The following MCF2L2 variants were observed in gnomAD, a reference collection of about 807,000 sequenced individuals.
MCF2L2 encodes MCF.2 cell line derived transforming sequence-like 2.
Under a neutral mutation model 150.2 loss-of-function variants are expected in MCF2L2, and 102 were observed. That is an observed-to-expected ratio of 0.68 (90% CI 0.58 to 0.80). The LOEUF is 0.80. Among genes scored for constraint, MCF2L2 ranks in the 30% least tolerant of loss-of-function variants. MCF2L2 has a pLI of 0.00. For synonymous variants in MCF2L2, 465 were observed against 491.3 expected (o/e 0.95, Z 0.71); for missense variants, 1,256 against 1,372.8 (o/e 0.91, Z 1.34).
intron 27 of MCF2L2, among the ~76,000 whole-genome samples, chr3:183,190,925 G>A (rs1721863351): frequency 6.6e-6 from 1 of 152,180 alleles, no homozygotes; most frequent in Non-Finnish European, 1.5e-5. Context: ...CGCCCTTGTT[G>A]CCCAGGCTGG....
At chr3:183,351,190 G>GTATATATATATATATA (rs60311053) in intron 3 of MCF2L2, among the ~76,000 whole-genome samples, 5 of 38,842 alleles carry the variant, frequency 1.3e-4, no homozygotes, top group Non-Finnish European at 1.5e-4. Flanking sequence ...ATTTTCTTAA[G>GTATATATATATATATA]TATATATATA....
intron 10 of MCF2L2, among the ~76,000 whole-genome samples, chr3:183,300,732 C>G (rs1358021653): frequency 1.3e-5 from 2 of 152,012 alleles, no homozygotes; most frequent in African/African-American, 4.8e-5. Context: ...ATATGCTTGT[C>G]TAGGCTGGGC....
intron 27 of MCF2L2, chr3:183,180,400 T>C (rs1721478989): frequency 6.8e-6 from 3 of 444,422 alleles, no homozygotes; most frequent in Non-Finnish European, 8.0e-6. Flanking sequence ...TTCATGGCCC[T>C]ACCTCCCCGT....
At chr3:183,198,014 T>C (rs1219145696) in intron 25 of MCF2L2, among the ~76,000 whole-genome samples, 1 of 152,194 alleles carries the variant, frequency 6.6e-6, no homozygotes, top group African/African-American at 2.4e-5. Context: ...CTTTGGAAAC[T>C]ATTTAGAAAT....
chr3:183,309,631 A>C (rs1030584746), intron 10 of MCF2L2, 85 bp downstream of exon 10: 1 of 1,579,958 alleles, frequency 6.3e-7, no homozygotes, highest in African/African-American at 1.3e-5. Flanking sequence ...TCCTTTAGCA[A>C]CCTTCCAATA....
intron 27 of MCF2L2, among the ~76,000 whole-genome samples, chr3:183,186,473 C>T (rs1721699532): frequency 6.6e-6 from 1 of 150,574 alleles, no homozygotes; most frequent in African/African-American, 2.4e-5. Context: ...GCCTGTAAAT[C>T]TCAGCACTTT....
Position 183,297,009 on chromosome 3 carries a change from GT to G in MCF2L2, c.1463del (p.Asn488ThrfsTer34). 2 of 1,613,946 alleles carry G rather than the reference GT, an allele frequency of 1.2e-6. No individual in the cohort carries two copies. Among genetic ancestry groups the G allele is most frequent in the Non-Finnish European group, 1.7e-6 (2 of 1,179,948 alleles). On this transcript the variant is annotated frameshift_variant, in exon 12 of 30. Transcript: ENST00000328913. LOFTEE classifies it high-confidence loss of function. ...CGAGGGTGAGCAGCAACTCAAACTCGTTGTAAAACTCCTTGGGGCTGAGCAA... is the reference window on the plus strand; with the variant it reads ...CGAGGGTGAGCAGCAACTCAAACTCGTGTAAAACTCCTTGGGGCTGAGCAA... ...YPLLSPKEFY[N>X]EFELLLTLDA...
At position 183,305,577 on chromosome 3, in the gene MCF2L2, G is replaced by A. The variant is rs369864123; in HGVS notation, c.1113+4139C>T. On this transcript the variant is annotated intron_variant, in intron 10 of 29. Transcript: ENST00000328913. The surrounding 1 kb of genome is among the most constrained non-coding windows in gnomAD (Gnocchi z 4.1). The stretch of plus-strand genomic sequence containing the variant: ...ATAAAGGCAACTGAGGAGGCCGGGC[G>A]CAGTGGGTCACGCCTGTAATCCCAG... 1.2e-4 allele frequency among the ~76,000 whole-genome samples: 19 copies of A among 152,306 alleles called. No individual in the cohort carries two copies. The highest frequency in any genetic ancestry group is 3.4e-4 in the African/African-American group (14 of 41,566).
intron 3 of MCF2L2, among the ~76,000 whole-genome samples, chr3:183,369,343 G>T (rs1712722645): frequency 6.6e-6 from 1 of 152,110 alleles, no homozygotes; most frequent in Non-Finnish European, 1.5e-5. Flanking sequence ...TTTTTTGCCT[G>T]ATAAGAGGCC....
At chr3:183,415,195 T>C (rs533089314) in intron 1 of MCF2L2, among the ~76,000 whole-genome samples, 67 of 152,082 alleles carry the variant, frequency 4.4e-4, no homozygotes, top group Non-Finnish European at 8.2e-4. Flanking sequence ...CTGAATTTTT[T>C]TTTTTTTGAG....
At chr3:183,200,457 A>G (rs1276307561) in intron 25 of MCF2L2, among the ~76,000 whole-genome samples, 1 of 152,114 alleles carries the variant, frequency 6.6e-6, no homozygotes, top group Non-Finnish European at 1.5e-5. Flanking sequence ...TCTTTTGCCC[A>G]CTTTTTGATG....
In MCF2L2 at chr3:183,270,513, G is replaced by A. The variant is rs772844252; in HGVS notation, c.1862+6359C>T. On this transcript the variant is annotated intron_variant, in intron 15 of 29. Transcript: ENST00000328913. This position sits in a 1 kb window ranked among gnomAD's most constrained non-coding sequence, Gnocchi z 4.5. The stretch of plus-strand genomic sequence containing the variant: ...TAGAGATAAAAGCAGCAAATACTAC[G>A]TGTCCTATGAAATGTACCAGTGGCC... 53 of 1,613,994 alleles carry A rather than the reference G, an allele frequency of 3.3e-5. No individual in the cohort carries two copies. Among genetic ancestry groups the A allele is most frequent in the East Asian group, 6.7e-5 (3 of 44,894 alleles).
At chr3:183,408,701 A>G (rs186023911) in intron 1 of MCF2L2, among the ~76,000 whole-genome samples, 4 of 152,366 alleles carry the variant, frequency 2.6e-5, no homozygotes, top group Admixed American at 2.6e-4. Context: ...ATGAATGTGA[A>G]CTGATCTAAC....
At chr3:183,395,917 C>CAAAAAAAAAAAA (rs11338932) in intron 1 of MCF2L2, among the ~76,000 whole-genome samples, 4 of 58,062 alleles carry the variant, frequency 6.9e-5, no homozygotes, top group African/African-American at 1.4e-4. Flanking sequence ...GACATCGTCT[C>CAAAAAAAAAAAA]AAAAAAAAAA....
At chr3:183,231,175 C>T in intron 15 of MCF2L2, 158 bp from the exon 16 acceptor site, 1 of 695,290 alleles carries the variant, frequency 1.4e-6, no homozygotes, top group Non-Finnish European at 2.6e-6. Flanking sequence ...TATTGAACAC[C>T]CAAGGTCAGC....
chr3:183,383,433 C>T (rs990227209), intron 2 of MCF2L2, among the ~76,000 whole-genome samples: 1 of 152,106 alleles, frequency 6.6e-6, no homozygotes, highest in South Asian at 2.1e-4. Flanking sequence ...GGGGTTTCTC[C>T]GTGTTGGTCA....
intron 5 of MCF2L2, among the ~76,000 whole-genome samples, chr3:183,325,787 T>C (rs1176834083): frequency 6.6e-6 from 1 of 152,198 alleles, no homozygotes; most frequent in Non-Finnish European, 1.5e-5. Context: ...TTGCCAAAAC[T>C]CTGCTTTCTC....
At chr3:183,184,063 G>A (rs531748558) in intron 27 of MCF2L2, among the ~76,000 whole-genome samples, 1 of 152,280 alleles carries the variant, frequency 6.6e-6, no homozygotes, top group South Asian at 2.1e-4. Context: ...TGTCGCCCAG[G>A]CTGGAGTGCA....
At chr3:183,420,453 C>T (rs1035105636) in intron 1 of MCF2L2, among the ~76,000 whole-genome samples, 1 of 152,052 alleles carries the variant, frequency 6.6e-6, no homozygotes, top group Non-Finnish European at 1.5e-5. Flanking sequence ...CAAAAATTAG[C>T]CGGGCGTTGT....
Sources: gnomAD v4.1 joint callset for allele counts (sites outside exome capture counted in the v4.1 genomes callset) on GRCh38, gnomAD v4.1.1 for gene constraint, Gnocchi (gnomAD v3.1) non-coding constraint, MANE v1.5 for transcripts, NCBI Gene and HGNC (gene_info 2026-07-23, HGNC 2026-07-21) for gene names.